The following ZNF263 variants were observed in gnomAD, a reference collection of about 807,000 sequenced individuals.
ZNF263 encodes the protein zinc finger protein FPM315.
ZNF263 carries 49 observed loss-of-function variants against 63.1 expected under a neutral mutation model. The ratio of observed to expected loss-of-function variants is 0.78; its 90% CI spans 0.62 to 0.99. The LOEUF is 0.99. ZNF263 is among the 50% of genes least tolerant of loss of function. The probability of loss-of-function intolerance (pLI) is 0.00; values close to 1 mark genes in which losing one functional copy is unlikely to be tolerated. For missense variants in ZNF263, 872 were observed against 854.8 expected, an observed-to-expected ratio of 1.02 and a Z score of -0.25; for synonymous variants, 352 against 324.2, an observed-to-expected ratio of 1.09 and a Z score of -0.92.
downstream of ZNF263, among the ~76,000 whole-genome samples, chr16:3,291,896 G>A (rs1273867184): frequency 6.6e-6 from 1 of 152,122 alleles, no homozygotes; most frequent in Admixed American, 6.5e-5. Context: ...GATTATTAAT[G>A]GTAGGAAGAT....
Position 3,288,563 on chromosome 16 carries a change from A to C in ZNF263, c.879A>C (p.Pro293=). 6.2e-7 allele frequency: 1 copy of C among 1,608,564 alleles called. No individual in the cohort carries two copies. Among genetic ancestry groups the C allele is most frequent in the Non-Finnish European group, 8.5e-7 (1 of 1,177,164 alleles). The change falls in exon 5 of 6, where the codon CCA becomes CCC. Residue 293 remains proline, a synonymous_variant. Transcript: ENST00000219069. The part of the protein sequence containing the change: ...SCKEGLSPRG[P]APGEEKFENL... ...AGGAGGGCCTGAGCCCCAGAGGCCC[A>C]GCTCCAGGTAAGGAATGAAGACAAG...
chr16:3,285,826 A>T, intron 3 of ZNF263, 72 bp downstream of exon 3: 1 of 1,572,946 alleles, frequency 6.4e-7, no homozygotes, highest in Non-Finnish European at 8.7e-7. Context: ...GGGGTTCTCC[A>T]TGTGGAAGGT....
intron 1 of ZNF263, among the ~76,000 whole-genome samples, chr16:3,284,765 C>T (rs1297964537): frequency 6.6e-6 from 1 of 152,080 alleles, no homozygotes; most frequent in Non-Finnish European, 1.5e-5. Context: ...CCCAATTTAG[C>T]CTATCCTATA....
At position 3,291,099 on chromosome 16, in the gene ZNF263, C is replaced by T. The variant is rs1318187184; in HGVS notation, c.*541C>T. ...ATGGGCAGTCCAGATCAAGCCACCA[C>T]GTGCCCTACGATGGCCTAACAGGAG... On this transcript the variant is annotated 3_prime_UTR_variant, in exon 6 of 6. Coordinates refer to ENST00000219069, the MANE Select transcript of ZNF263 (RefSeq NM_005741.5). 6 of 988,334 alleles carry T rather than the reference C, an allele frequency of 6.1e-6. No individual in the cohort carries two copies. The highest frequency in any genetic ancestry group is 5.2e-5 in the African/African-American group (3 of 57,258). 61.2% of individuals were successfully genotyped at this position (988,334 alleles called of 1,614,324 possible). A position where few individuals can be genotyped will look rare whatever the true frequency, so the allele number is the denominator to read the frequency against.
intron 4 of ZNF263, among the ~76,000 whole-genome samples, chr16:3,288,227 G>A (rs1959453553): frequency 6.6e-6 from 1 of 151,568 alleles, no homozygotes; most frequent in African/African-American, 2.4e-5. Context: ...ACTCCAGCCT[G>A]GGCGACAGAG....
At position 3,285,227 on chromosome 16, in the gene ZNF263, G is replaced by A. The variant is rs539395135; in HGVS notation, c.556G>A (p.Val186Ile). 9 of 1,612,520 alleles carry A rather than the reference G, an allele frequency of 5.6e-6. No homozygotes were observed. In the African/African-American group the frequency reaches 1.1e-4, roughly 19 times the overall value. The change falls in exon 2 of 6, where the codon GTA becomes ATA. Residue 186 changes from valine (V) to isoleucine (I), a missense_variant. Val to Ile is a conservative substitution (Grantham distance 29). Coordinates refer to ENST00000219069, the MANE Select transcript of ZNF263 (RefSeq NM_005741.5). The stretch of plus-strand genomic sequence containing the variant: ...CAGCCCCCAAAGGGACCCCCAGGCT[G>A]TAAAGGAGAGGGGTGAGGCACAGTT... ...GPSPQRDPQA[V>I]KERALSAPWL...
At chr16:3,297,498 T>C (rs1959788579) in intron 1 of ZNF263, among the ~76,000 whole-genome samples, 1 of 121,204 alleles carries the variant, frequency 8.3e-6, no homozygotes, top group Non-Finnish European at 1.6e-5. Context: ...GGAGTCTCGC[T>C]CTGTCGCCCA....
rs757330669 is a variant in ZNF263 at position 3,288,455 on chromosome 16, G to A, written c.771G>A (p.Glu257=). 8 of 1,606,662 alleles carry A rather than the reference G, an allele frequency of 5.0e-6. No individual in the cohort carries two copies. The African/African-American group carries it at 6.7e-5, about 13-fold the overall frequency. ...ATCTGTTTCTTTCATTGTGAACAGA[G>A]TCTCACATTCCCAGTCAGGAGGTCC... ...QESYENVDSL[E]SHIPSQEVPG... Residue 257 remains glutamate, a splice_region_variant and synonymous_variant, in exon 5 of 6, where the codon GAG becomes GAA. Coordinates refer to ENST00000219069, the MANE Select transcript of ZNF263 (RefSeq NM_005741.5).
intron 3 of ZNF263, 111 bp from the exon 4 acceptor site, chr16:3,285,912 T>C: frequency 6.3e-7 from 1 of 1,582,720 alleles, no homozygotes; most frequent in Non-Finnish European, 8.7e-7. Context: ...GATACCCTTC[T>C]TCCCCCCTGA....
chr16:3,300,471 A>T (rs1959907860), intron 2 of ZNF263: 9 of 1,613,230 alleles, frequency 5.6e-6, no homozygotes, highest in East Asian at 2.2e-5. Flanking sequence ...TTAACTTCTT[A>T]TTTTTTTTAA....
intron 2 of ZNF263, chr16:3,299,655 G>A (rs1959875165): frequency 6.4e-7 from 1 of 1,557,528 alleles, no homozygotes; most frequent in East Asian, 2.2e-5. Flanking sequence ...AAGTGTTATG[G>A]GGGAAGAACA....
chr16:3,290,870 T>C lies in ZNF263; in HGVS notation c.*312T>C. 2 of 1,088,524 alleles carry C rather than the reference T, an allele frequency of 1.8e-6. No individual in the cohort carries two copies. Among genetic ancestry groups the C allele is most frequent in the East Asian group, 5.8e-5 (1 of 17,150 alleles). 67.4% of individuals were successfully genotyped at this position (1,088,524 alleles called of 1,614,324 possible). On this transcript the variant is annotated 3_prime_UTR_variant, in exon 6 of 6. Transcript: ENST00000219069. ...CCAAGGTGCGATTTGGGCACCTGAC[T>C]GTCCAGTTTACCTTAACAAGTTTGG...
chr16:3,290,059 A>G lies in ZNF263; in HGVS notation c.1553A>G (p.Tyr518Cys), dbSNP rs201330046. The G allele has an allele frequency of 4.3e-6, 7 of 1,614,152 alleles. No homozygotes were observed. The highest frequency in any genetic ancestry group is 2.2e-5 in the South Asian group (2 of 91,078). The change falls in exon 6 of 6, where the codon TAT becomes TGT. Residue 518 changes from tyrosine (Y) to cysteine (C), a missense_variant. Coordinates refer to ENST00000219069, the MANE Select transcript of ZNF263 (RefSeq NM_005741.5). ...AGAATTCACACTGGAGAGCGACCTTATAAGTGTCCCGAGTGTGGGAAAAGT... is the reference window on the plus strand; with the variant it reads ...AGAATTCACACTGGAGAGCGACCTTGTAAGTGTCCCGAGTGTGGGAAAAGT... ...HQRIHTGERPYKCPECGKSFS... is the reference protein window; with the variant it reads ...HQRIHTGERPCKCPECGKSFS...
At position 3,290,030 on chromosome 16, in the gene ZNF263, C is replaced by T. The variant is rs757442876; in HGVS notation, c.1524C>T (p.His508=). 4 of 1,614,050 alleles carry T rather than the reference C, an allele frequency of 2.5e-6. No homozygotes were observed. Among genetic ancestry groups the T allele is most frequent in the African/African-American group, 1.3e-5 (1 of 74,928 alleles). Residue 508 remains histidine, a synonymous_variant, in exon 6 of 6, where the codon CAC becomes CAT. Transcript: ENST00000219069. The stretch of plus-strand genomic sequence containing the variant: ...CTCACAGTTCCAACCTCCTTCGGCA[C>T]CAGAGAATTCACACTGGAGAGCGAC... ...IFAHSSNLLR[H]QRIHTGERPY... is the part of the protein sequence containing the mutation.
chr16:3,291,079 C>G lies in ZNF263; in HGVS notation c.*521C>G. Reference sequence around the variant, plus strand: ...AAGGCCCCAGTTGGGAAGCCATGGGCAGTCCAGATCAAGCCACCACGTGCC... The same window carrying G: ...AAGGCCCCAGTTGGGAAGCCATGGGGAGTCCAGATCAAGCCACCACGTGCC... On this transcript the variant is annotated 3_prime_UTR_variant, in exon 6 of 6. Transcript: ENST00000219069. The G allele has an allele frequency of 1.0e-6, 1 of 991,080 alleles. No homozygotes were observed. Among genetic ancestry groups the G allele is most frequent in the South Asian group, 4.5e-5 (1 of 22,112 alleles). 61.4% of individuals were successfully genotyped at this position (991,080 alleles called of 1,614,324 possible).
chr16:3,285,295 C>G (rs994090629), intron 2 of ZNF263, 56 bp downstream of exon 2: 24 of 1,528,796 alleles, frequency 1.6e-5, no homozygotes, highest in Non-Finnish European at 2.0e-5. Flanking sequence ...GGGTTGCCCC[C>G]GACACTAGCT....
chr16:3,291,889 T>G (rs948302853), downstream of ZNF263, among the ~76,000 whole-genome samples: 1 of 152,190 alleles, frequency 6.6e-6, no homozygotes, highest in African/African-American at 2.4e-5. Context: ...AGTTATTGAT[T>G]ATTAATGGTA....
chr16:3,288,406 G>T (rs376669693), intron 4 of ZNF263, 48 bp from the exon 5 acceptor site: 1 of 1,391,592 alleles, frequency 7.2e-7, no homozygotes. Context: ...CCCTACCCTG[G>T]TAGAGGAAAG....
At position 3,290,017 on chromosome 16, in the gene ZNF263, A is replaced by C. The variant is rs1959546072; in HGVS notation, c.1511A>C (p.Asn504Thr). 1 of 1,613,884 alleles carries C rather than the reference A, an allele frequency of 6.2e-7. No individual in the cohort carries two copies. Among genetic ancestry groups the C allele is most frequent in the South Asian group, 1.1e-5 (1 of 91,076 alleles). The change falls in exon 6 of 6, where the codon AAC becomes ACC. Residue 504 changes from asparagine (N) to threonine (T), a missense_variant. Coordinates refer to ENST00000219069, the MANE Select transcript of ZNF263 (RefSeq NM_005741.5). Reference protein sequence around the residue: ...ECGEIFAHSSNLLRHQRIHTG... With the variant: ...ECGEIFAHSSTLLRHQRIHTG... Reference sequence around the variant, plus strand: ...GGGGAGATCTTTGCTCACAGTTCCAACCTCCTTCGGCACCAGAGAATTCAC... The same window carrying C: ...GGGGAGATCTTTGCTCACAGTTCCACCCTCCTTCGGCACCAGAGAATTCAC...
Sources: allele counts gnomAD v4.1 joint callset (sites outside exome capture counted in the v4.1 genomes callset), GRCh38; gene constraint gnomAD v4.1.1; transcripts MANE v1.5; gene names NCBI Gene and HGNC (gene_info 2026-07-23, HGNC 2026-07-21).